The following SCD5 variants were observed in gnomAD, a reference collection of about 807,000 sequenced individuals.
SCD5 encodes acyl-CoA-desaturase 4.
SCD5 carries 20 observed loss-of-function variants against 30.4 expected under a neutral mutation model. That is an observed-to-expected ratio of 0.66 (90% CI 0.46 to 0.96). The LOEUF (loss-of-function observed/expected upper bound fraction) is 0.96. SCD5 is among the 40% of genes least tolerant of loss of function. The pLI is 0.00. For missense variants in SCD5, 381 were observed against 443.3 expected (o/e 0.86, Z 1.26); for synonymous variants, 173 against 176.4 (o/e 0.98, Z 0.16).
chr4:82,671,982 G>A (rs1294951540), intron 3 of SCD5, among the ~76,000 whole-genome samples: 1 of 152,024 alleles, frequency 6.6e-6, no homozygotes, highest in African/African-American at 2.4e-5. Flanking sequence ...AATCTCAAGA[G>A]ACATTTAAGA....
chr4:82,676,945 T>C (rs911990602), intron 3 of SCD5, among the ~76,000 whole-genome samples: 1 of 152,240 alleles, frequency 6.6e-6, no homozygotes, highest in Non-Finnish European at 1.5e-5. Context: ...TCTGGAAGTA[T>C]AGCTTGAAAT....
intron 2 of SCD5, among the ~76,000 whole-genome samples, chr4:82,697,778 CA>C (rs1400518838): frequency 1.3e-5 from 2 of 152,216 alleles, no homozygotes; most frequent in African/African-American, 4.8e-5. Flanking sequence ...CTCTCTCGCT[CA>C]CCTGCTAGGC....
intron 3 of SCD5, among the ~76,000 whole-genome samples, chr4:82,678,338 C>T (rs1447356614): frequency 1.9e-4 from 29 of 152,032 alleles, no homozygotes; most frequent in Admixed American, 1.8e-3. Flanking sequence ...GACATACGTG[C>T]CGCCAATACA....
chr4:82,689,991 T>C lies in SCD5; in HGVS notation c.364-9079A>G, dbSNP rs1728796759. 2.6e-5 allele frequency among the ~76,000 whole-genome samples: 4 copies of C among 152,100 alleles called. No homozygotes were observed. In the South Asian group the frequency reaches 8.3e-4, roughly 32 times the overall value. ...TTAATTGGCCAGTACATTTCAAAAATATTGATGGCATAAAATTAAAAAAAC... is the reference window on the plus strand; with the variant it reads ...TTAATTGGCCAGTACATTTCAAAAACATTGATGGCATAAAATTAAAAAAAC... On this transcript the variant is annotated intron_variant, in intron 2 of 4. Coordinates refer to ENST00000319540, the MANE Select transcript of SCD5 (RefSeq NM_001037582.3).
chr4:82,767,764 G>A (rs1325167007), intron 1 of SCD5, among the ~76,000 whole-genome samples: 1 of 150,782 alleles, frequency 6.6e-6, no homozygotes, highest in African/African-American at 2.4e-5. Context: ...TATATTTTTT[G>A]ACAAATACTT....
chr4:82,785,486 T>C (rs1463290618), intron 1 of SCD5, among the ~76,000 whole-genome samples: 2 of 152,250 alleles, frequency 1.3e-5, no homozygotes, highest in African/African-American at 4.8e-5. Context: ...CTTATAAATT[T>C]ACTGTTCTTT....
intron 1 of SCD5, among the ~76,000 whole-genome samples, chr4:82,797,642 C>G (rs926980556): frequency 6.6e-6 from 1 of 152,084 alleles, no homozygotes; most frequent in Non-Finnish European, 1.5e-5. Context: ...TCAGACCGCT[C>G]TCGCCATGGG....
In SCD5 at chr4:82,697,825, G is replaced by A. The variant is rs141894404; in HGVS notation, c.363+7458C>T. 4.1e-4 allele frequency among the ~76,000 whole-genome samples: 63 copies of A among 152,232 alleles called. 1 individual carries two copies. In the East Asian group the frequency reaches 0.012, roughly 29 times the overall value. ...CTGCACCACTTTGTCGGAGTATTCC[G>A]CATAACGGAAGGGGTTACAATGCAG... On this transcript the variant is annotated intron_variant, in intron 2 of 4. Coordinates refer to ENST00000319540, the MANE Select transcript of SCD5 (RefSeq NM_001037582.3).
intron 2 of SCD5, among the ~76,000 whole-genome samples, chr4:82,688,402 C>G (rs936216328): frequency 6.6e-6 from 1 of 151,942 alleles, no homozygotes; most frequent in African/African-American, 2.4e-5. Flanking sequence ...ACTGGTGGCT[C>G]CACTCCTTAG....
chr4:82,752,050 A>ACTG (rs1215267378), intron 1 of SCD5, among the ~76,000 whole-genome samples: 1 of 152,232 alleles, frequency 6.6e-6, no homozygotes, highest in Non-Finnish European at 1.5e-5. Flanking sequence ...AGCAAGAAAT[A>ACTG]CTGCCCTGTT....
chr4:82,667,687 C>G (rs779729711), intron 3 of SCD5, among the ~76,000 whole-genome samples: 3 of 152,182 alleles, frequency 2.0e-5, no homozygotes, highest in Non-Finnish European at 4.4e-5. Flanking sequence ...GTTCTTGAAA[C>G]TGGAAGATTC....
chr4:82,714,075 A>G (rs181790900), intron 1 of SCD5, among the ~76,000 whole-genome samples: 320 of 152,326 alleles, frequency 2.1e-3, no homozygotes, highest in Middle Eastern at 0.01. Context: ...TTACTCAGAA[A>G]TTCCTGTCTG....
Position 82,629,994 on chromosome 4 carries a change from T to C in SCD5, c.*1333A>G, listed in dbSNP as rs1727252868. The C allele has an allele frequency of 6.6e-6, 1 of 152,384 alleles. No homozygotes were observed. The highest frequency in any genetic ancestry group is 2.1e-4 in the South Asian group (1 of 4,830). 9.4% of individuals were successfully genotyped at this position (152,384 alleles called of 1,614,324 possible). ...GATGTGGAAAATTAATATGCTTATT[T>C]AGCAGAAGTAGCTAAAGTACATGCA... On this transcript the variant is annotated 3_prime_UTR_variant, in exon 5 of 5. Transcript: ENST00000319540.
intron 2 of SCD5, chr4:82,697,955 A>T: frequency 4.4e-6 from 2 of 455,578 alleles, no homozygotes; most frequent in South Asian, 3.1e-5. Flanking sequence ...AAATGTTCCA[A>T]ATGTGCCCTG....
intron 1 of SCD5, among the ~76,000 whole-genome samples, chr4:82,707,794 G>C (rs2148828168): frequency 6.6e-6 from 1 of 152,296 alleles, no homozygotes; most frequent in African/African-American, 2.4e-5. Context: ...TGAGCCTTCA[G>C]GCAAGATTGT....
At chr4:82,690,353 C>A (rs184649668) in intron 2 of SCD5, among the ~76,000 whole-genome samples, 142 of 152,276 alleles carry the variant, frequency 9.3e-4, no homozygotes, top group African/African-American at 3.3e-3. Flanking sequence ...GAAGGCTATA[C>A]CCAAGCTCAT....
At chr4:82,670,481 A>C (rs1728287053) in intron 3 of SCD5, among the ~76,000 whole-genome samples, 1 of 152,230 alleles carries the variant, frequency 6.6e-6, no homozygotes, top group South Asian at 2.1e-4. Context: ...AATGAGAAGA[A>C]ATGCTCAAAT....
chr4:82,777,039 G>C (rs1254436580), intron 1 of SCD5, among the ~76,000 whole-genome samples: 1 of 152,210 alleles, frequency 6.6e-6, no homozygotes, highest in East Asian at 1.9e-4. Context: ...GCAGACTTCT[G>C]ACCACTAGTT....
At chr4:82,781,112 T>C (rs1721859747) in intron 1 of SCD5, among the ~76,000 whole-genome samples, 1 of 151,860 alleles carries the variant, frequency 6.6e-6, no homozygotes, top group Non-Finnish European at 1.5e-5. Flanking sequence ...TCATTCACAC[T>C]AAAAGAAAAA....
Sources: allele counts gnomAD v4.1 joint callset (sites outside exome capture counted in the v4.1 genomes callset), GRCh38; gene constraint gnomAD v4.1.1; transcripts MANE v1.5; gene names NCBI Gene and HGNC (gene_info 2026-07-23, HGNC 2026-07-21).